Variants in NRP1 observed in about 807,000 individuals in gnomAD.
NRP1 encodes the protein neuropilin 1.
NRP1 carries 35 observed loss-of-function variants against 106.7 expected under a neutral mutation model. The observed-to-expected ratio is 0.33, with a 90% CI of 0.25 to 0.43. The LOEUF is 0.43. Among genes scored for constraint, NRP1 ranks in the 20% least tolerant of loss-of-function variants. The pLI, the probability that NRP1 is intolerant of heterozygous loss-of-function variation, is 1.00. For synonymous variants in NRP1, 437 were observed against 417.9 expected, an observed-to-expected ratio of 1.05 and a Z score of -0.56; for missense variants, 1,024 against 1,170.4, an observed-to-expected ratio of 0.87 and a Z score of 1.83.
chr10:33,264,794 C>A (rs1186033727), intron 3 of NRP1, among the ~76,000 whole-genome samples: 1 of 152,104 alleles, frequency 6.6e-6, no homozygotes, highest in Non-Finnish European at 1.5e-5. Flanking sequence ...GGGTGGTATT[C>A]ACTACACAAT....
chr10:33,313,021 T>A (rs1306117819), intron 2 of NRP1, among the ~76,000 whole-genome samples: 1 of 152,222 alleles, frequency 6.6e-6, no homozygotes, highest in East Asian at 1.9e-4. Context: ...TTCTACTGAC[T>A]GTGAATGTTA....
intron 8 of NRP1, among the ~76,000 whole-genome samples, chr10:33,218,171 C>T (rs12357399): frequency 0.28 from 42,850 of 151,988 alleles, 6,482 homozygotes; most frequent in East Asian, 0.62. Flanking sequence ...CATTGCCCAA[C>T]GTGATTTCCA....
At chr10:33,227,966 T>TC (rs1003199102) in intron 6 of NRP1, among the ~76,000 whole-genome samples, 26 of 151,782 alleles carry the variant, frequency 1.7e-4, no homozygotes, top group African/African-American at 5.8e-4. Flanking sequence ...TAGAGTAGGT[T>TC]TTTTTTTCTT....
chr10:33,282,733 G>T (rs1018101733), intron 2 of NRP1, among the ~76,000 whole-genome samples: 1 of 152,036 alleles, frequency 6.6e-6, no homozygotes, highest in Non-Finnish European at 1.5e-5. Flanking sequence ...TTAAAAGAAA[G>T]GTTGAGCTGA....
chr10:33,292,151 C>T (rs1015772451), intron 2 of NRP1, among the ~76,000 whole-genome samples: 1 of 152,188 alleles, frequency 6.6e-6, no homozygotes, highest in African/African-American at 2.4e-5. Context: ...CCACCTCAGC[C>T]TCTCAAAGTG....
chr10:33,244,769 C>T (rs912790621), intron 6 of NRP1, among the ~76,000 whole-genome samples: 12 of 152,162 alleles, frequency 7.9e-5, no homozygotes, highest in Non-Finnish European at 1.6e-4. Flanking sequence ...CTCTGATTTA[C>T]ATACCACATA....
At chr10:33,225,610 T>C (rs1839599039) in intron 7 of NRP1, among the ~76,000 whole-genome samples, 1 of 152,220 alleles carries the variant, frequency 6.6e-6, no homozygotes, top group Admixed American at 6.5e-5. Flanking sequence ...ACGGAGGTAG[T>C]GTGTTATTTG....
intron 2 of NRP1, among the ~76,000 whole-genome samples, chr10:33,274,022 T>A (rs1396799591): frequency 1.3e-5 from 2 of 152,158 alleles, no homozygotes; most frequent in Admixed American, 1.3e-4. Context: ...TCCCTCCTCA[T>A]TTAGGCATCT....
chr10:33,244,883 A>T (rs1015341352), intron 6 of NRP1, among the ~76,000 whole-genome samples: 1 of 152,198 alleles, frequency 6.6e-6, no homozygotes, highest in African/African-American at 2.4e-5. Context: ...ATAATTTGCA[A>T]TTTTATCCTG....
chr10:33,287,197 C>T (rs1844630674), intron 2 of NRP1, among the ~76,000 whole-genome samples: 1 of 152,158 alleles, frequency 6.6e-6, no homozygotes, highest in Non-Finnish European at 1.5e-5. Context: ...AAAATAATAA[C>T]TTCAACTTGA....
Position 33,263,836 on chromosome 10 carries a change from T to C in NRP1, c.468A>G (p.Gly156=). The change falls in exon 4 of 17, where the codon GGA becomes GGG. Residue 156 remains glycine, a synonymous_variant. Transcript: ENST00000374867. The part of the protein sequence containing the change: ...ECSQNYTTPS[G]VIKSPGFPEK... ...CAGGGAATCCGGGGGACTTTATCAC[T>C]CCACTAGGTGTTGTGTAGTTCTGGG... The C allele has an allele frequency of 6.2e-7, 1 of 1,613,434 alleles. No homozygotes were observed. The highest frequency in any genetic ancestry group is 1.6e-4 in the Middle Eastern group (1 of 6,062).
intron 10 of NRP1, chr10:33,206,013 A>G (rs10218992): frequency 0.27 from 89,636 of 325,978 alleles, 13,696 homozygotes; most frequent in East Asian, 0.6. Context: ...GGAATGAACA[A>G]GGACAGCTTG....
Position 33,256,436 on chromosome 10 carries a change from T to A in NRP1, c.694A>T (p.Thr232Ser), listed in dbSNP as rs1173524331. Residue 232 changes from threonine (T) to serine (S), a missense_variant, in exon 5 of 17, where the codon ACA (threonine) becomes TCA (serine). Around this residue, in one of 5 missense-constraint regions of NRP1, gnomAD observed 279 missense variants for 327.4 expected, o/e 0.85. Coordinates refer to ENST00000374867, the MANE Select transcript of NRP1 (RefSeq NM_003873.7). ...PHIGRYCGQK[T>S]PGRIRSSSGI... ...GATGAGGATCGGATTCGACCTGGTG[T>A]TTTCTGTCCACAGTAACGCCCAATG... 3 of 1,614,142 alleles carry A rather than the reference T, an allele frequency of 1.9e-6. No individual in the cohort carries two copies. Among genetic ancestry groups the A allele is most frequent in the Non-Finnish European group, 2.5e-6 (3 of 1,180,026 alleles).
chr10:33,300,640 A>G (rs1267853174), intron 2 of NRP1, among the ~76,000 whole-genome samples: 2 of 152,200 alleles, frequency 1.3e-5, no homozygotes, highest in African/African-American at 4.8e-5. Flanking sequence ...CCTGCCTCCC[A>G]TTGTATTCAA....
intron 2 of NRP1, among the ~76,000 whole-genome samples, chr10:33,274,799 A>C (rs1214599731): frequency 6.6e-6 from 1 of 152,162 alleles, no homozygotes; most frequent in African/African-American, 2.4e-5. Flanking sequence ...CCCCACTGGC[A>C]TAGTACATTA....
Position 33,334,530 on chromosome 10 carries a change from C to T in NRP1, c.-148G>A, listed in dbSNP as rs1848504710. 1 of 648,728 alleles carries T rather than the reference C, an allele frequency of 1.5e-6. No homozygotes were observed. The highest frequency in any genetic ancestry group is 2.0e-5 in the South Asian group (1 of 50,920). 40.2% of individuals were successfully genotyped at this position (648,728 alleles called of 1,614,324 possible). ...GCCCGTCTTGGAGAAAAGAAAGCAG[C>T]GAGGCAATGCCTGGATCCGAGAGGA... On this transcript the variant is annotated 5_prime_UTR_variant, in exon 1 of 17. Coordinates refer to ENST00000374867, the MANE Select transcript of NRP1 (RefSeq NM_003873.7).
intron 13 of NRP1, among the ~76,000 whole-genome samples, chr10:33,191,063 G>A (rs908572739): frequency 6.6e-6 from 1 of 152,028 alleles, no homozygotes; most frequent in Non-Finnish European, 1.5e-5. Context: ...TTGCTATGTT[G>A]CCCAGGCTGG....
At chr10:33,328,377 T>C (rs1453231696) in intron 2 of NRP1, among the ~76,000 whole-genome samples, 1 of 152,170 alleles carries the variant, frequency 6.6e-6, no homozygotes, top group African/African-American at 2.4e-5. Context: ...CATCAGCCTA[T>C]GGATTTATGC....
chr10:33,245,391 A>C (rs1841342164), intron 6 of NRP1, among the ~76,000 whole-genome samples: 1 of 152,190 alleles, frequency 6.6e-6, no homozygotes, highest in Admixed American at 6.5e-5. Flanking sequence ...TGCACAGGTC[A>C]ATCCCTCCAA....
Sources: gnomAD v4.1 joint callset for allele counts (sites outside exome capture counted in the v4.1 genomes callset) on GRCh38, gnomAD v4.1.1 for gene constraint, gnomAD v4.1.1 regional missense constraint, MANE v1.5 for transcripts, NCBI Gene and HGNC (gene_info 2026-07-23, HGNC 2026-07-21) for gene names.